CTTN: variants seen among roughly 807,000 people sequenced by gnomAD.
The protein encoded by CTTN is cortactin.
CTTN carries 28 observed loss-of-function variants against 84.0 expected under a neutral mutation model. The ratio of observed to expected loss-of-function variants is 0.33; its 90% CI spans 0.25 to 0.46. The LOEUF (loss-of-function observed/expected upper bound fraction) is 0.46. Among genes scored for constraint, CTTN ranks in the 20% least tolerant of loss-of-function variants. The pLI is 1.00. For missense variants in CTTN, 641 were observed against 723.8 expected, an observed-to-expected ratio of 0.89 and a Z score of 1.31; for synonymous variants, 301 against 288.8, an observed-to-expected ratio of 1.04 and a Z score of -0.43.
chr11:70,417,297 C>T (rs1022386795), intron 8 of CTTN, among the ~76,000 whole-genome samples, 174 bp downstream of exon 8: 5 of 152,170 alleles, frequency 3.3e-5, no homozygotes, highest in African/African-American at 7.2e-5. Context: ...AGTTCCCCAT[C>T]GTATGAGGAT....
At chr11:70,410,876 G>A (rs1352745558) in intron 5 of CTTN, among the ~76,000 whole-genome samples, 2 of 152,132 alleles carry the variant, frequency 1.3e-5, no homozygotes, top group African/African-American at 4.8e-5. Context: ...CATTTGAGCT[G>A]GGCACGGGAT....
chr11:70,431,092 G>A, intron 14 of CTTN, 99 bp from the exon 15 acceptor site: 1 of 1,244,610 alleles, frequency 8.0e-7, no homozygotes, highest in Admixed American at 1.7e-5. Context: ...TTTCCCCAGA[G>A]CATGCCTAGA....
At chr11:70,410,662 A>G (rs1309525122) in intron 5 of CTTN, among the ~76,000 whole-genome samples, 1 of 152,208 alleles carries the variant, frequency 6.6e-6, no homozygotes, top group African/African-American at 2.4e-5. Flanking sequence ...CCTGGAGAGA[A>G]GATGGAAGAG....
At chr11:70,399,500 C>T (rs776450545) in intron 1 of CTTN, among the ~76,000 whole-genome samples, 1 of 152,024 alleles carries the variant, frequency 6.6e-6, no homozygotes, top group African/African-American at 2.4e-5. Context: ...GGAGGTTTTG[C>T]AATCAGGTCA....
Position 70,414,582 on chromosome 11 carries a change from A to T in CTTN, c.332A>T (p.His111Leu). 6.2e-7 allele frequency: 1 copy of T among 1,614,140 alleles called. No homozygotes were observed. Among genetic ancestry groups the T allele is most frequent in the Non-Finnish European group, 8.5e-7 (1 of 1,180,004 alleles). ...GHEYQSKLSK[H>L]CSQVDSVRGF... ...GAATATCAGTCGAAACTTTCCAAGC[A>T]CTGCTCGCAGGTGGACTCGGTCCGT... is the stretch of plus-strand genomic sequence containing the variant. The change falls in exon 6 of 18, where the codon CAC becomes CTC. Residue 111 changes from histidine to leucine, a missense_variant. Coordinates refer to ENST00000301843, the MANE Select transcript of CTTN (RefSeq NM_005231.4).
Position 70,422,932 on chromosome 11 carries a change from C to T in CTTN, c.902-8C>T, listed in dbSNP as rs202182205. The T allele has an allele frequency of 5.6e-6, 9 of 1,614,122 alleles. No individual in the cohort carries two copies. Among genetic ancestry groups the T allele is most frequent in the South Asian group, 2.2e-5 (2 of 91,066 alleles). On this transcript the variant is annotated splice_region_variant and splice_polypyrimidine_tract_variant and intron_variant, in intron 11 of 17. Coordinates refer to ENST00000301843, the MANE Select transcript of CTTN (RefSeq NM_005231.4). ...TCAGAGTAAGTGTTGTGTTTTGCCA[C>T]GTTTCAGACTACTCCAAAGGATTCG...
At chr11:70,422,745 T>C (rs1474831356) in intron 11 of CTTN, 195 bp from the exon 12 acceptor site, 1 of 1,456,636 alleles carries the variant, frequency 6.9e-7, no homozygotes, top group Non-Finnish European at 9.1e-7. Flanking sequence ...GTGCTCTGCT[T>C]CTCACTGCCT....
At chr11:70,433,453 C>T (rs922089428) in intron 16 of CTTN, among the ~76,000 whole-genome samples, 175 bp downstream of exon 16, 6 of 152,102 alleles carry the variant, frequency 3.9e-5, no homozygotes, top group Non-Finnish European at 8.8e-5. Context: ...TTTGGGGCAT[C>T]GGCTCCTGTG....
intron 1 of CTTN, 84 bp from the exon 2 acceptor site, chr11:70,405,181 A>T (rs1324510828): frequency 6.6e-6 from 1 of 152,146 alleles, no homozygotes; most frequent in Non-Finnish European, 1.5e-5. Flanking sequence ...AAGTTTTCTA[A>T]AAAGATCTCC....
intron 9 of CTTN, 148 bp from the exon 10 acceptor site, chr11:70,420,252 G>A: frequency 1.5e-6 from 1 of 651,300 alleles, no homozygotes; most frequent in Non-Finnish European, 2.8e-6. Context: ...GCCTCTTCAT[G>A]GATGTTATCT....
rs1266375820 is a variant in CTTN, at chr11:70,435,599, G to A, written c.*437G>A. On this transcript the variant is annotated 3_prime_UTR_variant, in exon 18 of 18. Transcript: ENST00000301843. Reference sequence around the variant, plus strand: ...AGGCAGGAAGGACTGTCCCAGACGAGGGGCTTCCTCTAGAGTCTCACTGCT... The same window carrying A: ...AGGCAGGAAGGACTGTCCCAGACGAAGGGCTTCCTCTAGAGTCTCACTGCT... 2 of 1,581,570 alleles carry A rather than the reference G, an allele frequency of 1.3e-6. No individual in the cohort carries two copies. The highest frequency in any genetic ancestry group is 1.7e-6 in the Non-Finnish European group (2 of 1,171,362).
At chr11:70,424,525 G>A (rs904541189) in intron 12 of CTTN, among the ~76,000 whole-genome samples, 1 of 152,118 alleles carries the variant, frequency 6.6e-6, no homozygotes. Flanking sequence ...CTACAACCCA[G>A]GCTGGGAGGT....
At chr11:70,416,763 C>T (rs546828392) in intron 7 of CTTN, 20 of 432,366 alleles carry the variant, frequency 4.6e-5, no homozygotes, top group African/African-American at 7.9e-5. Context: ...GGGCATGCAG[C>T]GTCATTTCTG....
rs114157745 is a variant in CTTN at position 70,429,136 on chromosome 11, G to A, written c.1113G>A (p.Ala371=). The A allele has an allele frequency of 1.1e-4, 183 of 1,614,094 alleles. No homozygotes were observed. In the African/African-American group the frequency reaches 1.8e-3, roughly 16 times the overall value. Reference sequence around the variant, plus strand: ...AGGAGGACAGGCGGAAGGCGGAGGCGGAGAGAGCCCAGCGGATGGCCAAGG... The same window carrying A: ...AGGAGGACAGGCGGAAGGCGGAGGCAGAGAGAGCCCAGCGGATGGCCAAGG... ...KEQEDRRKAE[A]ERAQRMAKER... The change falls in exon 14 of 18, where the codon GCG becomes GCA. Residue 371 remains alanine (A), a synonymous_variant. Coordinates refer to ENST00000301843, the MANE Select transcript of CTTN (RefSeq NM_005231.4).
intron 1 of CTTN, among the ~76,000 whole-genome samples, chr11:70,401,671 AAGAG>A (rs1294498054): frequency 2.2e-4 from 33 of 151,812 alleles, no homozygotes; most frequent in Non-Finnish European, 3.8e-4. Flanking sequence ...CAAAAAAAAA[AAGAG>A]AGAGAAAAAT....
chr11:70,417,102 G>A lies in CTTN; in HGVS notation c.547G>A (p.Glu183Lys). The change falls in exon 8 of 18, where the codon GAG becomes AAG. Residue 183 changes from glutamate to lysine, a missense_variant. Glu to Lys is a moderately conservative substitution (Grantham distance 56). Transcript: ENST00000301843. ...AVGFDYQGKT[E>K]KHESQRDYSK... ...GGGCTTCGACTACCAGGGCAAGACG[G>A]AGAAGCACGAGTCACAGAGAGGTGG... 1 of 1,614,200 alleles carries A rather than the reference G, an allele frequency of 6.2e-7. No homozygotes were observed. Among genetic ancestry groups the A allele is most frequent in the South Asian group, 1.1e-5 (1 of 91,086 alleles).
intron 14 of CTTN, 115 bp from the exon 15 acceptor site, chr11:70,431,076 C>T (rs2058348669): frequency 3.7e-6 from 4 of 1,085,564 alleles, no homozygotes; most frequent in Non-Finnish European, 5.6e-6. Flanking sequence ...GGGTGTTTTC[C>T]ACTCCTTTCC....
At position 70,423,025 on chromosome 11, in the gene CTTN, C is replaced by T. The variant is rs759575648; in HGVS notation, c.957+30C>T. 1.9e-6 allele frequency: 3 copies of T among 1,613,460 alleles called. No homozygotes were observed. The Admixed American group carries it at 5.0e-5, about 27-fold the overall frequency. ...ATATTCCAGCCCCGGAGCTTAGTGT[C>T]TTCTGCCTGCAGGGGCTCTTGGTGG... On this transcript the variant is annotated intron_variant, in intron 12 of 17. Transcript: ENST00000301843.
intron 12 of CTTN, among the ~76,000 whole-genome samples, chr11:70,424,622 C>T (rs1255185149): frequency 4.6e-5 from 7 of 151,962 alleles, no homozygotes; most frequent in African/African-American, 1.7e-4. Flanking sequence ...TGCCTTTGAA[C>T]AGGTGCAAGC....
Sources: gnomAD v4.1 joint callset for allele counts (sites outside exome capture counted in the v4.1 genomes callset) on GRCh38, gnomAD v4.1.1 for gene constraint, MANE v1.5 for transcripts, NCBI Gene and HGNC (gene_info 2026-07-23, HGNC 2026-07-21) for gene names.